Variants in HMCN2 observed in about 807,000 individuals in gnomAD.
HMCN2 encodes hemicentin-2.
HMCN2 carries 325 observed loss-of-function variants against 377.5 expected under a neutral mutation model. The observed-to-expected ratio is 0.86, with a 90% CI of 0.79 to 0.94. The LOEUF (loss-of-function observed/expected upper bound fraction) is 0.94. Ranked by LOEUF, HMCN2 falls within the 40% of genes least tolerant of loss-of-function variation. The pLI is 0.00. For missense variants in HMCN2, 4,543 were observed against 4,725.3 expected (o/e 0.96, Z 1.13); for synonymous variants, 2,007 against 2,046.8 (o/e 0.98, Z 0.53).
At chr9:130,283,904 T>A (rs1375738106) in intron 1 of HMCN2, among the ~76,000 whole-genome samples, 1 of 103,290 alleles carries the variant, frequency 9.7e-6, no homozygotes, top group Non-Finnish European at 1.8e-5. Context: ...TGTGAACATA[T>A]GTTTTCATTT....
In HMCN2 at chr9:130,403,325, A is replaced by G. The variant is rs1287823092; in HGVS notation, c.12010A>G (p.Thr4004Ala). 2.3e-6 allele frequency: 3 copies of G among 1,289,752 alleles called. No individual in the cohort carries two copies. Among genetic ancestry groups the G allele is most frequent in the East Asian group, 5.5e-5 (1 of 18,030 alleles). 79.9% of individuals were successfully genotyped at this position (1,289,752 alleles called of 1,614,324 possible). ...TWQKEGLNVA[T>A]GVSTQVLPGG... ...GCAGAAGGAAGGGCTCAACGTCGCTACTGGTGAGGGCCCCTGGCAGCCAGC... is the reference window on the plus strand; with the variant it reads ...GCAGAAGGAAGGGCTCAACGTCGCTGCTGGTGAGGGCCCCTGGCAGCCAGC... The change falls in exon 79 of 98, where the codon ACT becomes GCT. Residue 4004 changes from threonine to alanine, a missense_variant. Around this residue, in one of 5 missense-constraint regions of HMCN2, gnomAD observed 1,073 missense variants for 1,319.5 expected, o/e 0.81. Transcript: ENST00000683500.
chr9:130,379,775 C>G (rs1017924318), intron 54 of HMCN2, among the ~76,000 whole-genome samples: 1 of 152,242 alleles, frequency 6.6e-6, no homozygotes, highest in Admixed American at 6.5e-5. Flanking sequence ...GTCAACAAAG[C>G]TCATGACCCC....
intron 75 of HMCN2, 38 bp downstream of exon 75, chr9:130,398,745 A>G (rs1369167839): frequency 7.8e-7 from 1 of 1,281,324 alleles, no homozygotes; most frequent in Admixed American, 2.3e-5. Flanking sequence ...CCTGAGACGC[A>G]CAGGGCGGGG....
chr9:130,306,850 G>A lies in HMCN2; in HGVS notation c.1998G>A (p.Gly666=). ...VDAQGTLIIQ[G]VAPEDAGNYS... is the part of the protein sequence containing the mutation. ...CACAGGGAACCCTGATTATTCAGGG[G>A]GTAGCCCCAGAGGATGCTGGGAATT... The change falls in exon 13 of 98, where the codon GGG becomes GGA. Residue 666 remains glycine, a synonymous_variant. Transcript: ENST00000683500. 1 of 470,954 alleles carries A rather than the reference G, an allele frequency of 2.1e-6. No individual in the cohort carries two copies. The allele number at this position is 470,954 out of a possible 1,614,324, so 29.2% of individuals were successfully genotyped here. A position where few individuals can be genotyped will look rare whatever the true frequency, so the allele number is the denominator to read the frequency against.
In HMCN2 at chr9:130,431,336, C is replaced by T. The variant is rs992797873; in HGVS notation, c.14648-31C>T. 9 of 1,543,344 alleles carry T rather than the reference C, an allele frequency of 5.8e-6. No homozygotes were observed. The Admixed American group carries it at 1.2e-4, about 20-fold the overall frequency. On this transcript the variant is annotated intron_variant, in intron 95 of 97. Transcript: ENST00000683500. Reference sequence around the variant, plus strand: ...TCAGTGCGTCTCTCTGCCCCCATCCCCCACCTGCCCCACCCCCATGCCCGG... The same window carrying T: ...TCAGTGCGTCTCTCTGCCCCCATCCTCCACCTGCCCCACCCCCATGCCCGG...
chr9:130,388,534 C>T lies in HMCN2; in HGVS notation c.9517C>T (p.Pro3173Ser), dbSNP rs535664743. The T allele has an allele frequency of 2.5e-5, 25 of 988,096 alleles. No individual in the cohort carries two copies. The highest frequency in any genetic ancestry group is 1.7e-4 in the African/African-American group (10 of 57,404). 61.2% of individuals were successfully genotyped at this position (988,096 alleles called of 1,614,324 possible). ...GGTCACTTGGCTGAAGGACAGGATG[C>T]CTGTGGGTGAGCACATCTGTCCTTG... ...PTVTWLKDRM[P>S]VESSAVHGVV... Residue 3173 changes from proline (P) to serine (S), a missense_variant, in exon 62 of 98, where the codon CCT becomes TCT. Pro to Ser is a moderately conservative substitution (Grantham distance 74, BLOSUM62 -1). Around this residue, in one of 5 missense-constraint regions of HMCN2, gnomAD observed 736 missense variants for 773.2 expected, o/e 0.95. Coordinates refer to ENST00000683500, the MANE Select transcript of HMCN2 (RefSeq NM_001291815.2).
Position 130,427,502 on chromosome 9 carries a change from G to A in HMCN2, c.13948G>A (p.Asp4650Asn). 1.9e-6 allele frequency: 3 copies of A among 1,550,412 alleles called. No individual in the cohort carries two copies. Among genetic ancestry groups the A allele is most frequent in the Non-Finnish European group, 2.6e-6 (3 of 1,146,930 alleles). ...DSQGAFCVDR[D>N]ECSGGPSPCS... ...CAGACCCCTTCCTGCCCCAGACAGG[G>A]ACGAGTGCTCAGGAGGCCCTAGCCC... is the stretch of plus-strand genomic sequence containing the variant. Residue 4650 changes from aspartate to asparagine, a missense_variant, in exon 92 of 98, where the codon GAC becomes AAC. Asp to Asn is a conservative substitution (Grantham distance 23). Around this residue, in one of 5 missense-constraint regions of HMCN2, gnomAD observed 1,155 missense variants for 1,157.7 expected, o/e 1.00. Transcript: ENST00000683500.
At chr9:130,367,937 G>C (rs1220912597) in intron 43 of HMCN2, among the ~76,000 whole-genome samples, 7 of 92,544 alleles carry the variant, frequency 7.6e-5, no homozygotes, top group Non-Finnish European at 1.3e-4. Context: ...GAGAGACTCT[G>C]TCTCAAAAAA....
Position 130,428,493 on chromosome 9 carries a change from A to AT in HMCN2, c.14197+5dup. 2 of 1,539,064 alleles carry AT rather than the reference A, an allele frequency of 1.3e-6. No individual in the cohort carries two copies. Among genetic ancestry groups the AT allele is most frequent in the Middle Eastern group, 1.7e-4 (1 of 5,954 alleles). ...GCTGATGGGGCCGGCTGTGAAGGTG[A>AT]TGGGGGCACAGCATGCGGCCTGTCC... On this transcript the variant is annotated splice_donor_region_variant and intron_variant, in intron 93 of 97. Transcript: ENST00000683500. The surrounding 1 kb of genome is among the most constrained non-coding windows in gnomAD (Gnocchi z 5.0).
chr9:130,332,766 G>A (rs1169338430), intron 22 of HMCN2, among the ~76,000 whole-genome samples: 1 of 152,206 alleles, frequency 6.6e-6, no homozygotes, highest in East Asian at 1.9e-4. Flanking sequence ...TCCGGGAGGG[G>A]TTCTCTCCAG....
At chr9:130,397,741 G>A in intron 74 of HMCN2, 86 bp downstream of exon 74, 1 of 1,182,108 alleles carries the variant, frequency 8.5e-7, no homozygotes, top group Non-Finnish European at 1.1e-6. Context: ...AGCTGTAGGG[G>A]CCAAGAGCCA....
chr9:130,358,628 AG>A, intron 36 of HMCN2, 142 bp downstream of exon 36: 1 of 730,716 alleles, frequency 1.4e-6, no homozygotes. Flanking sequence ...GGAAGTAGAA[AG>A]CCCTGAAATG....
At chr9:130,399,668 G>C in intron 76 of HMCN2, 36 bp downstream of exon 76, 2 of 1,262,778 alleles carry the variant, frequency 1.6e-6, no homozygotes, top group Non-Finnish European at 2.1e-6. Flanking sequence ...GACACCTGGG[G>C]TGGGGGCAGC....
At position 130,374,524 on chromosome 9, in the gene HMCN2, A is replaced by G. The variant is rs950862023; in HGVS notation, c.7461A>G (p.Thr2487=). 1.0e-6 allele frequency: 1 copy of G among 985,858 alleles called. No homozygotes were observed. The highest frequency in any genetic ancestry group is 1.2e-6 in the Non-Finnish European group (1 of 830,002). The allele number at this position is 985,858 out of a possible 1,614,324, so 61.1% of individuals were successfully genotyped here. Residue 2487 remains threonine, a synonymous_variant, in exon 49 of 98, where the codon ACA becomes ACG. Coordinates refer to ENST00000683500, the MANE Select transcript of HMCN2 (RefSeq NM_001291815.2). ...CAGGCCACCCACAGCCCAAGCTCAC[A>G]TGGTTCAAAGATGGCCGGCCTCTGG... The part of the protein sequence containing the change: ...NVTGHPQPKL[T]WFKDGRPLAR...
In HMCN2 at chr9:130,353,182, A is replaced by C. The variant is rs927173024; in HGVS notation, c.4841A>C (p.Lys1614Thr). Residue 1614 changes from lysine (K) to threonine (T), a missense_variant, in exon 31 of 98, where the codon AAG (lysine) becomes ACG (threonine). By Grantham distance (78) the Lys-to-Thr change is moderately conservative. This residue lies in a region of HMCN2 where 1,032 missense variants were observed against 1,285.1 expected (regional missense o/e 0.80). Coordinates refer to ENST00000683500, the MANE Select transcript of HMCN2 (RefSeq NM_001291815.2). ...AGCAATGCTGTGGGGGCCGCAGAGA[A>C]GGCCACCAGGCTGGATGTTTATGGT... Reference protein sequence around the residue: ...KASNAVGAAEKATRLDVYVPP... With the variant: ...KASNAVGAAETATRLDVYVPP... 6.1e-6 allele frequency: 8 copies of C among 1,303,798 alleles called. No individual in the cohort carries two copies. Among genetic ancestry groups the C allele is most frequent in the Non-Finnish European group, 8.1e-6 (8 of 988,908 alleles). 80.8% of individuals were successfully genotyped at this position (1,303,798 alleles called of 1,614,324 possible). A position where few individuals can be genotyped will look rare whatever the true frequency, so the allele number is the denominator to read the frequency against.
chr9:130,297,021 T>A (rs35784841), intron 7 of HMCN2, among the ~76,000 whole-genome samples: 9,679 of 152,248 alleles, frequency 0.064, 447 homozygotes, highest in Middle Eastern at 0.099. Context: ...CATTGTGACA[T>A]TTACCTTTAG....
chr9:130,405,245 C>T (rs939290632), intron 81 of HMCN2, among the ~76,000 whole-genome samples, 186 bp downstream of exon 81: 2 of 152,216 alleles, frequency 1.3e-5, no homozygotes, highest in African/African-American at 4.8e-5. Flanking sequence ...TGCCAAGAGG[C>T]AGAACCCAAA....
At chr9:130,301,106 G>A (rs1404544676) in intron 8 of HMCN2, among the ~76,000 whole-genome samples, 2 of 152,220 alleles carry the variant, frequency 1.3e-5, no homozygotes, top group African/African-American at 2.4e-5. Flanking sequence ...GGTGCCCATC[G>A]TGCCTACAGT....
Position 130,299,303 on chromosome 9 carries a change from C to G in HMCN2, c.1276+15C>G, listed in dbSNP as rs1554933424. On this transcript the variant is annotated intron_variant, in intron 8 of 97. Transcript: ENST00000683500. ...GGTGGCCCCAGGTGAGTGGTTGGCT[C>G]TTTTGTCTCCCAGGCCCCTGGCTCA... The G allele has an allele frequency of 4.5e-6, 2 of 440,968 alleles. No individual in the cohort carries two copies. The highest frequency in any genetic ancestry group is 9.6e-6 in the Non-Finnish European group (2 of 208,312). The allele number at this position is 440,968 out of a possible 1,614,324, so 27.3% of individuals were successfully genotyped here.
Sources: allele counts gnomAD v4.1 joint callset (sites outside exome capture counted in the v4.1 genomes callset), GRCh38; gene constraint gnomAD v4.1.1; regional missense constraint gnomAD v4.1.1; non-coding constraint Gnocchi (gnomAD v3.1); transcripts MANE v1.5; gene names NCBI Gene and HGNC (gene_info 2026-07-23, HGNC 2026-07-21).